Variants in GALNT3 observed in about 807,000 individuals in gnomAD.
GALNT3 encodes GalNAc transferase 3.
A neutral mutation model predicts 69.8 loss-of-function variants in GALNT3; 51 were observed. That is an observed-to-expected ratio of 0.73 (90% CI 0.58 to 0.92). The LOEUF is 0.92. Among genes scored for constraint, GALNT3 ranks in the 40% least tolerant of loss-of-function variants. GALNT3 has a pLI of 0.00. For missense variants in GALNT3, 711 were observed against 760.0 expected, an observed-to-expected ratio of 0.94 and a Z score of 0.76; for synonymous variants, 265 against 248.5, an observed-to-expected ratio of 1.07 and a Z score of -0.63.
At chr2:165,790,818 A>T (rs1258862154) in intron 1 of GALNT3, among the ~76,000 whole-genome samples, 1 of 152,154 alleles carries the variant, frequency 6.6e-6, no homozygotes, top group Non-Finnish European at 1.5e-5. Context: ...AATTTGTCTC[A>T]TACTTGTTTC....
chr2:165,768,217 C>T (rs1359335402), intron 2 of GALNT3, among the ~76,000 whole-genome samples: 1 of 152,162 alleles, frequency 6.6e-6, no homozygotes, highest in Non-Finnish European at 1.5e-5. Context: ...TAAATCTTCA[C>T]TCCAACCAAA....
At chr2:165,772,324 C>A (rs1258836175) in intron 1 of GALNT3, among the ~76,000 whole-genome samples, 1 of 152,030 alleles carries the variant, frequency 6.6e-6, no homozygotes, top group Non-Finnish European at 1.5e-5. Context: ...GTGGCTCATG[C>A]CTATAATCCC....
chr2:165,753,209 T>C (rs1327507641), intron 9 of GALNT3, among the ~76,000 whole-genome samples: 1 of 152,120 alleles, frequency 6.6e-6, no homozygotes, highest in Non-Finnish European at 1.5e-5. Flanking sequence ...CATCTCAAAG[T>C]TTCGTCCCAT....
intron 10 of GALNT3, 107 bp from the exon 11 acceptor site, chr2:165,749,010 T>G (rs1688308464): frequency 8.5e-7 from 1 of 1,181,754 alleles, no homozygotes; most frequent in Non-Finnish European, 1.2e-6. Context: ...TAGCAAATCT[T>G]TCTAAGGTGA....
chr2:165,787,251 G>A lies in GALNT3; in HGVS notation c.-109+6764C>T, dbSNP rs144890919. ...ATGTTAAGTAGTTATGCCAAAATGGGAGGGAAGAGCCTTCCAGGCCAGGAA... is the reference window on the plus strand; with the variant it reads ...ATGTTAAGTAGTTATGCCAAAATGGAAGGGAAGAGCCTTCCAGGCCAGGAA... On this transcript the variant is annotated intron_variant, in intron 1 of 10. Coordinates refer to ENST00000392701, the MANE Select transcript of GALNT3 (RefSeq NM_004482.4). 2.7e-3 allele frequency among the ~76,000 whole-genome samples: 410 copies of A among 152,342 alleles called. 3 individuals are homozygous for A. The highest frequency in any genetic ancestry group is 3.9e-3 in the Admixed American group (59 of 15,304).
rs908910039 is a variant in GALNT3, at chr2:165,770,473, G to A, written c.228C>T (p.Ala76=). 10 of 1,613,974 alleles carry A rather than the reference G, an allele frequency of 6.2e-6. No individual in the cohort carries two copies. Among genetic ancestry groups the A allele is most frequent in the Non-Finnish European group, 8.5e-6 (10 of 1,180,020 alleles). The part of the protein sequence containing the change: ...MLEAVNNIKD[A]MPKMQIGAPV... ...GTGCTCCTATTTGCATTTTTGGCATGGCATCCTTAATATTGTTTACAGCTT... is the reference window on the plus strand; with the variant it reads ...GTGCTCCTATTTGCATTTTTGGCATAGCATCCTTAATATTGTTTACAGCTT... The change falls in exon 2 of 11, where the codon GCC becomes GCT. Residue 76 remains alanine (A), a synonymous_variant. Coordinates refer to ENST00000392701, the MANE Select transcript of GALNT3 (RefSeq NM_004482.4).
At chr2:165,749,408 TTCTC>T (rs911548373) in intron 10 of GALNT3, among the ~76,000 whole-genome samples, 4 of 152,122 alleles carry the variant, frequency 2.6e-5, no homozygotes, top group African/African-American at 4.8e-5. Flanking sequence ...ATAATTTTTC[TTCTC>T]TCTGACAGAA....
rs181288197 is a variant in GALNT3 at position 165,770,613 on chromosome 2, A to C, written c.88T>G (p.Phe30Val). Residue 30 changes from phenylalanine (F) to valine (V), a missense_variant, in exon 2 of 11, where the codon TTT (phenylalanine) becomes GTT (valine). Transcript: ENST00000392701. ...TGCATTAAAACCAAAACTATTATAA[A>C]GAAAAAAATTACTGCACCAAGCTTC... ...FWKLGAVIFF[F>V]IIVLVLMQRE... The C allele has an allele frequency of 6.2e-7, 1 of 1,602,886 alleles. No individual in the cohort carries two copies. Among genetic ancestry groups the C allele is most frequent in the Non-Finnish European group, 8.5e-7 (1 of 1,175,814 alleles).
intron 9 of GALNT3, among the ~76,000 whole-genome samples, chr2:165,751,516 G>A (rs536424000): frequency 1.6e-4 from 24 of 152,176 alleles, no homozygotes; most frequent in Non-Finnish European, 3.2e-4. Context: ...AAAGGCTGTC[G>A]AGTATTTTAC....
intron 2 of GALNT3, among the ~76,000 whole-genome samples, chr2:165,769,582 C>T (rs970021538): frequency 5.3e-5 from 8 of 151,704 alleles, no homozygotes; most frequent in Non-Finnish European, 8.8e-5. Context: ...GGTGAAACCC[C>T]GTTTCTACTA....
intron 1 of GALNT3, among the ~76,000 whole-genome samples, chr2:165,787,412 G>A (rs1683247398): frequency 6.6e-6 from 1 of 152,208 alleles, no homozygotes; most frequent in Non-Finnish European, 1.5e-5. Flanking sequence ...TAAGGAGTTT[G>A]CCTTATCTTA....
intron 9 of GALNT3, among the ~76,000 whole-genome samples, chr2:165,752,246 C>T (rs1688368420): frequency 6.6e-6 from 1 of 152,148 alleles, no homozygotes; most frequent in Non-Finnish European, 1.5e-5. Flanking sequence ...AGCATCTTCT[C>T]CTGGAACACT....
chr2:165,762,557 A>G (rs1156830916), intron 3 of GALNT3, among the ~76,000 whole-genome samples: 1 of 152,254 alleles, frequency 6.6e-6, no homozygotes, highest in East Asian at 1.9e-4. Context: ...GCCACGTCAG[A>G]AAGTCCACAG....
rs779975861 is a variant in GALNT3 at position 165,764,881 on chromosome 2, T to C, written c.688+3A>G. ...ACAATCTAATTTGCATGTGCTTTCT[T>C]ACCATCTACACTAGCATCATCCACC... On this transcript the variant is annotated splice_donor_region_variant and intron_variant, in intron 3 of 10. Transcript: ENST00000392701. 4.3e-6 allele frequency: 7 copies of C among 1,613,816 alleles called. No individual in the cohort carries two copies.
chr2:165,786,608 AT>A (rs1434360256), intron 1 of GALNT3, among the ~76,000 whole-genome samples: 1 of 152,034 alleles, frequency 6.6e-6, no homozygotes, highest in African/African-American at 2.4e-5. Context: ...TTTTTATATT[AT>A]TTTTTATTGT....
At chr2:165,766,580 TA>T (rs1176419995) in intron 2 of GALNT3, among the ~76,000 whole-genome samples, 4 of 82,410 alleles carry the variant, frequency 4.9e-5, no homozygotes, top group African/African-American at 1.3e-4. Flanking sequence ...CACTGGGACA[TA>T]AAATAAAACT....
At chr2:165,778,934 A>C in intron 1 of GALNT3, among the ~76,000 whole-genome samples, 1 of 3,582 alleles carries the variant, frequency 2.8e-4, no homozygotes, top group South Asian at 0.17. Flanking sequence ...TGGGGCCCCG[A>C]GTTTGGCATG....
chr2:165,790,898 T>C (rs1357720576), intron 1 of GALNT3, among the ~76,000 whole-genome samples: 1 of 152,166 alleles, frequency 6.6e-6, no homozygotes, highest in Non-Finnish European at 1.5e-5. Flanking sequence ...ATGTTTTCTC[T>C]AATAAATTTT....
chr2:165,776,400 G>A (rs993031227), intron 1 of GALNT3, among the ~76,000 whole-genome samples: 1 of 152,110 alleles, frequency 6.6e-6, no homozygotes, highest in African/African-American at 2.4e-5. Context: ...GAAATGATTA[G>A]CAGATAAAGG....
Sources: gnomAD v4.1 joint callset for allele counts (sites outside exome capture counted in the v4.1 genomes callset) on GRCh38, gnomAD v4.1.1 for gene constraint, MANE v1.5 for transcripts, NCBI Gene and HGNC (gene_info 2026-07-23, HGNC 2026-07-21) for gene names.